TENM3: variants seen among roughly 807,000 people sequenced by gnomAD.
TENM3 encodes the protein teneurin transmembrane protein 3, also known as teneurin-3.
A neutral mutation model predicts 255.1 loss-of-function variants in TENM3; 63 were observed. The observed-to-expected ratio is 0.25, with a 90% CI of 0.20 to 0.30. The LOEUF is 0.30. Among genes scored for constraint, TENM3 ranks in the 10% least tolerant of loss-of-function variants. TENM3 has a pLI of 1.00. For synonymous variants in TENM3, 1,306 were observed against 1,322.3 expected (o/e 0.99, Z 0.27); for missense variants, 2,929 against 3,461.1 (o/e 0.85, Z 3.86).
chr4:182,653,567 C>T (rs1293866385), intron 5 of TENM3, among the ~76,000 whole-genome samples: 2 of 152,142 alleles, frequency 1.3e-5, no homozygotes, highest in Admixed American at 6.5e-5. Flanking sequence ...ATTGAAGTGC[C>T]ACCATATTGC....
chr4:181,624,742 A>G, the TENM3 span, among the ~76,000 whole-genome samples: 1 of 152,162 alleles, frequency 6.6e-6, no homozygotes, highest in Non-Finnish European at 1.5e-5. Context: ...AATAAGCACA[A>G]TTGACTTGCC....
the TENM3 span, among the ~76,000 whole-genome samples, chr4:181,579,202 T>C: frequency 6.6e-6 from 1 of 151,976 alleles, no homozygotes; most frequent in South Asian, 2.1e-4. Context: ...TAAGCATCAG[T>C]TGTGAGAAAC....
the TENM3 span, among the ~76,000 whole-genome samples, chr4:182,099,943 G>A: frequency 6.6e-6 from 1 of 152,116 alleles, no homozygotes; most frequent in Non-Finnish European, 1.5e-5. Flanking sequence ...TACCTTTAGA[G>A]CAGGGCTCAG....
chr4:181,845,134 C>T, the TENM3 span, among the ~76,000 whole-genome samples: 2 of 152,122 alleles, frequency 1.3e-5, no homozygotes, highest in Non-Finnish European at 2.9e-5. Context: ...CCTACTACAT[C>T]GACTTTGTTC....
At chr4:181,750,770 A>G in the TENM3 span, among the ~76,000 whole-genome samples, 1 of 152,206 alleles carries the variant, frequency 6.6e-6, no homozygotes, top group Non-Finnish European at 1.5e-5. Context: ...CATGTTGGGT[A>G]GTTCTTAAAA....
chr4:181,714,331 A>T, the TENM3 span, among the ~76,000 whole-genome samples: 1 of 152,192 alleles, frequency 6.6e-6, no homozygotes, highest in South Asian at 2.1e-4. Context: ...AGTCCCAGCT[A>T]CTTGGGAGGC....
At chr4:182,388,170 C>T (rs887727925) in intron 3 of TENM3, among the ~76,000 whole-genome samples, 1 of 152,074 alleles carries the variant, frequency 6.6e-6, no homozygotes. Context: ...CCCTTCATTC[C>T]CAGCTGCTTC....
At chr4:182,143,278 G>A (rs1749611471), upstream of TENM3, 1 of 167,138 alleles carries the variant, frequency 6.0e-6, no homozygotes, top group Non-Finnish European at 1.5e-5. This position sits in a 1 kb window ranked among gnomAD's most constrained non-coding sequence, Gnocchi z 4.3. Context: ...CAATTGTTCT[G>A]CTGCAGTGCC....
chr4:182,566,632 A>C (rs1560933985), intron 3 of TENM3, among the ~76,000 whole-genome samples: 1 of 152,176 alleles, frequency 6.6e-6, no homozygotes, highest in Non-Finnish European at 1.5e-5. Context: ...AACAGCAGCT[A>C]TCCATGAGCT....
the TENM3 span, among the ~76,000 whole-genome samples, chr4:181,794,483 T>C: frequency 6.6e-6 from 1 of 152,144 alleles, no homozygotes; most frequent in African/African-American, 2.4e-5. Context: ...GCCCTTCTAC[T>C]CTCTATTCTA....
the TENM3 span, among the ~76,000 whole-genome samples, chr4:181,602,574 CT>C: frequency 6.6e-6 from 1 of 152,098 alleles, no homozygotes; most frequent in Non-Finnish European, 1.5e-5. Context: ...CAAAAGCCAT[CT>C]TGTGTGATGC....
intron 3 of TENM3, among the ~76,000 whole-genome samples, chr4:182,387,901 C>G (rs183227724): frequency 7.0e-6 from 1 of 143,430 alleles, no homozygotes; most frequent in Non-Finnish European, 1.5e-5. Context: ...CAATTCCGGA[C>G]ACAATAGGAC....
chr4:182,694,681 C>A (rs954979063), intron 12 of TENM3, among the ~76,000 whole-genome samples: 1 of 152,302 alleles, frequency 6.6e-6, no homozygotes, highest in Admixed American at 6.5e-5. Flanking sequence ...TTTGCTCAGA[C>A]AAAACTCACA....
At chr4:182,208,369 G>A (rs959317639) in intron 1 of TENM3, among the ~76,000 whole-genome samples, 2 of 152,138 alleles carry the variant, frequency 1.3e-5, no homozygotes, top group African/African-American at 4.8e-5. Flanking sequence ...TACTTCTCAT[G>A]AAGACTCTAG....
intron 3 of TENM3, among the ~76,000 whole-genome samples, chr4:182,434,601 T>C (rs1771909454): frequency 6.6e-6 from 1 of 150,560 alleles, no homozygotes; most frequent in African/African-American, 2.5e-5. Flanking sequence ...AGGCAGAAGT[T>C]GCAGTGAGCC....
intron 10 of TENM3, 61 bp downstream of exon 10, chr4:182,680,798 T>C (rs1756112034): frequency 7.6e-7 from 1 of 1,318,000 alleles, no homozygotes; most frequent in Non-Finnish European, 1.0e-6. Context: ...AGATTGTATC[T>C]GTAATCTTTA....
the TENM3 span, among the ~76,000 whole-genome samples, chr4:181,467,083 G>A: frequency 3.3e-5 from 1 of 29,930 alleles, no homozygotes; most frequent in African/African-American, 1.6e-4. Context: ...GTGTGTGTGT[G>A]CGTGTGTGTG....
the TENM3 span, among the ~76,000 whole-genome samples, chr4:181,476,689 T>A: frequency 1.8e-4 from 28 of 152,210 alleles, no homozygotes; most frequent in Non-Finnish European, 3.4e-4. Context: ...GGAGAACTAT[T>A]TGTTACACTT....
the TENM3 span, among the ~76,000 whole-genome samples, chr4:181,968,433 G>A: frequency 4.6e-5 from 7 of 152,274 alleles, no homozygotes; most frequent in East Asian, 1.2e-3. Flanking sequence ...AGGGGACCTC[G>A]GGGTTAGGAA....
Sources: gnomAD v4.1 joint callset for allele counts (sites outside exome capture counted in the v4.1 genomes callset) on GRCh38, gnomAD v4.1.1 for gene constraint, Gnocchi (gnomAD v3.1) non-coding constraint, MANE v1.5 for transcripts, NCBI Gene and HGNC (gene_info 2026-07-23, HGNC 2026-07-21) for gene names.